The following DNAJC11 variants were observed in gnomAD, a reference collection of about 807,000 sequenced individuals.
DNAJC11 encodes the protein DnaJ heat shock protein family (Hsp40) member C11.
In DNAJC11, 15 loss-of-function variants were observed where a neutral mutation model predicts 78.6. The ratio of observed to expected loss-of-function variants is 0.19; its 90% CI spans 0.13 to 0.29. The LOEUF (loss-of-function observed/expected upper bound fraction) is 0.29, where lower values mean the gene tolerates loss of function less well. Ranked by LOEUF, DNAJC11 falls within the 10% of genes least tolerant of loss-of-function variation. The probability of loss-of-function intolerance (pLI) is 1.00; values close to 1 mark genes in which losing one functional copy is unlikely to be tolerated. For missense variants in DNAJC11, 547 were observed against 709.6 expected, an observed-to-expected ratio of 0.77 and a Z score of 2.60; for synonymous variants, 292 against 272.1, an observed-to-expected ratio of 1.07 and a Z score of -0.72.
Position 6,678,379 on chromosome 1 carries a change from C to G in DNAJC11, c.276+15G>C. Reference sequence around the variant, plus strand: ...AATGACTTTTCTGGAACACCAGACGCACAGTTTCTCTTACCTCCCATCCTT... The same window carrying G: ...AATGACTTTTCTGGAACACCAGACGGACAGTTTCTCTTACCTCCCATCCTT... On this transcript the variant is annotated intron_variant, in intron 3 of 15. Coordinates refer to ENST00000377577, the MANE Select transcript of DNAJC11 (RefSeq NM_018198.4). The G allele has an allele frequency of 6.2e-7, 1 of 1,611,956 alleles. No individual in the cohort carries two copies. The highest frequency in any genetic ancestry group is 8.5e-7 in the Non-Finnish European group (1 of 1,178,058).
At chr1:6,668,421 G>C (rs556313054) in intron 3 of DNAJC11, among the ~76,000 whole-genome samples, 1 of 152,290 alleles carries the variant, frequency 6.6e-6, no homozygotes, top group Non-Finnish European at 1.5e-5. Flanking sequence ...TTACAGGCTT[G>C]AGCCACTGCG....
chr1:6,672,489 G>A (rs533463022), intron 3 of DNAJC11, among the ~76,000 whole-genome samples: 9 of 152,264 alleles, frequency 5.9e-5, no homozygotes, highest in South Asian at 2.1e-4. Context: ...GATGAATTAC[G>A]AACGCAAATA....
rs191823255 is a variant in DNAJC11, at chr1:6,693,528, C to T, written c.72+8201G>A. ...CCTCCCGAGTAGCTGGGATTACAGACGCCCACCACCACACCCAGCTAGTTT... is the reference window on the plus strand; with the variant it reads ...CCTCCCGAGTAGCTGGGATTACAGATGCCCACCACCACACCCAGCTAGTTT... On this transcript the variant is annotated intron_variant, in intron 1 of 15. Coordinates refer to ENST00000377577, the MANE Select transcript of DNAJC11 (RefSeq NM_018198.4). Among the ~76,000 whole-genome samples, 868 of 152,152 alleles carry T rather than the reference C, an allele frequency of 5.7e-3. 2 individuals carry two copies. Among genetic ancestry groups the T allele is most frequent in the Middle Eastern group, 0.014 (4 of 294 alleles).
chr1:6,664,552 C>T (rs1441816881), intron 4 of DNAJC11, among the ~76,000 whole-genome samples: 1 of 152,146 alleles, frequency 6.6e-6, no homozygotes, highest in Non-Finnish European at 1.5e-5. Context: ...GGGCCATTTA[C>T]AAATCCCAAC....
At chr1:6,646,891 C>T (rs1641974107) in intron 7 of DNAJC11, among the ~76,000 whole-genome samples, 1 of 152,024 alleles carries the variant, frequency 6.6e-6, no homozygotes, top group African/African-American at 2.4e-5. Context: ...CTCATTGGCT[C>T]ACACCTGTAA....
Position 6,645,837 on chromosome 1 carries a change from A to G in DNAJC11, c.846T>C (p.Thr282=), listed in dbSNP as rs112421423. The change falls in exon 8 of 16, where the codon ACT becomes ACC. Residue 282 remains threonine, a synonymous_variant. Coordinates refer to ENST00000377577, the MANE Select transcript of DNAJC11 (RefSeq NM_018198.4). The surrounding 1 kb of genome is among the most constrained non-coding windows in gnomAD (Gnocchi z 4.1). ...TGGTTTTAGTGTCTCGGACGATGCT[A>G]GTGTTCATGGCTGACTGGATACCCC... The part of the protein sequence containing the change: ...WRWGIQSAMN[T]SIVRDTKTSH... 1,115 of 1,614,114 alleles carry G rather than the reference A, an allele frequency of 6.9e-4. 1 individual carries two copies. Among genetic ancestry groups the G allele is most frequent in the Non-Finnish European group, 8.6e-4 (1,013 of 1,180,022 alleles).
intron 2 of DNAJC11, among the ~76,000 whole-genome samples, chr1:6,679,450 A>C (rs890642145): frequency 2.0e-5 from 3 of 152,220 alleles, no homozygotes; most frequent in Admixed American, 6.5e-5. Flanking sequence ...AACTGAACTC[A>C]AATGTCAGCA....
chr1:6,690,414 G>A (rs1217529947), intron 1 of DNAJC11, among the ~76,000 whole-genome samples: 2 of 152,200 alleles, frequency 1.3e-5, no homozygotes, highest in Admixed American at 6.5e-5. Flanking sequence ...TTTTCTGGAT[G>A]AACGGGCTCA....
Position 6,680,517 on chromosome 1 carries a change from C to A in DNAJC11, c.202+391G>T, listed in dbSNP as rs1344399769. Among the ~76,000 whole-genome samples, 1 of 152,112 alleles carries A rather than the reference C, an allele frequency of 6.6e-6. No individual in the cohort carries two copies. The highest frequency in any genetic ancestry group is 1.5e-5 in the Non-Finnish European group (1 of 68,028). The stretch of plus-strand genomic sequence containing the variant: ...TTACAACCGATAACTGCTTCAGAAC[C>A]AATAAAATCACTTTTGGATGAAAAA... On this transcript the variant is annotated intron_variant, in intron 2 of 15. Coordinates refer to ENST00000377577, the MANE Select transcript of DNAJC11 (RefSeq NM_018198.4). The surrounding 1 kb of genome is among the most constrained non-coding windows in gnomAD (Gnocchi z 4.0).
chr1:6,666,385 CTTT>C (rs767579276), intron 4 of DNAJC11, among the ~76,000 whole-genome samples: 1 of 120,616 alleles, frequency 8.3e-6, no homozygotes, highest in Non-Finnish European at 1.8e-5. Context: ...TCTTTCTTTT[CTTT>C]TTTTTTTTTT....
chr1:6,650,218 G>T (rs927568117), intron 7 of DNAJC11, among the ~76,000 whole-genome samples: 1 of 151,870 alleles, frequency 6.6e-6, no homozygotes, highest in Non-Finnish European at 1.5e-5. Flanking sequence ...AGCCAAGATT[G>T]CATCACTATT....
intron 3 of DNAJC11, among the ~76,000 whole-genome samples, chr1:6,668,861 C>T (rs1441896297): frequency 1.3e-5 from 2 of 152,042 alleles, no homozygotes; most frequent in East Asian, 1.9e-4. Context: ...TCATTAAACT[C>T]GGGGACGCAG....
At chr1:6,700,198 T>A (rs1338477653) in intron 1 of DNAJC11, among the ~76,000 whole-genome samples, 1 of 151,866 alleles carries the variant, frequency 6.6e-6, no homozygotes, top group Non-Finnish European at 1.5e-5. Flanking sequence ...TTCTCCCCAC[T>A]CTTGAGAATG....
chr1:6,665,669 G>A (rs1432115634), intron 4 of DNAJC11, among the ~76,000 whole-genome samples: 2 of 152,130 alleles, frequency 1.3e-5, no homozygotes, highest in African/African-American at 4.8e-5. Context: ...ATGGCCTGCA[G>A]ACACATTTGC....
intron 11 of DNAJC11, 108 bp from the exon 12 acceptor site, chr1:6,638,472 T>C: frequency 1.0e-6 from 1 of 983,600 alleles, no homozygotes; most frequent in East Asian, 2.8e-5. Flanking sequence ...TCTGTGATCT[T>C]ACTGGAGTTC....
At position 6,637,433 on chromosome 1, in the gene DNAJC11, A is replaced by G; in HGVS notation, c.1381+14T>C. 1 of 1,614,192 alleles carries G rather than the reference A, an allele frequency of 6.2e-7. No homozygotes were observed. The highest frequency in any genetic ancestry group is 1.3e-5 in the African/African-American group (1 of 75,048). On this transcript the variant is annotated intron_variant, in intron 13 of 15. Transcript: ENST00000377577. ...AGCGCCCACCCTGGACCAAGAGAGG[A>G]CACATGTTCTCACCCATTCTGGACT... is the stretch of plus-strand genomic sequence containing the variant.
intron 1 of DNAJC11, among the ~76,000 whole-genome samples, chr1:6,690,720 C>T (rs778389154): frequency 9.9e-5 from 15 of 151,950 alleles, no homozygotes; most frequent in East Asian, 1.9e-4. Context: ...GTCAGGAGAT[C>T]GAGACCATCC....
At position 6,700,637 on chromosome 1, in the gene DNAJC11, G is replaced by A. The variant is rs149645297; in HGVS notation, c.72+1092C>T. On this transcript the variant is annotated intron_variant, in intron 1 of 15. Coordinates refer to ENST00000377577, the MANE Select transcript of DNAJC11 (RefSeq NM_018198.4). ...AGGGCTATCATAATACTTACCTTAA[G>A]AGCTATCCTCAGAATTAAATGAGAT... Among the ~76,000 whole-genome samples, 43 of 152,244 alleles carry A rather than the reference G, an allele frequency of 2.8e-4. 1 individual carries two copies. Among genetic ancestry groups the A allele is most frequent in the African/African-American group, 1.0e-3 (43 of 41,538 alleles).
chr1:6,657,517 T>C lies in DNAJC11; in HGVS notation c.379-3478A>G, dbSNP rs982144544. ...GCCAATCCACAGAACTGTGAGACAGTATGGAATTATTGTTGGAAGCCACCA... is the reference window on the plus strand; with the variant it reads ...GCCAATCCACAGAACTGTGAGACAGCATGGAATTATTGTTGGAAGCCACCA... On this transcript the variant is annotated intron_variant, in intron 4 of 15. Transcript: ENST00000377577. Among the ~76,000 whole-genome samples the C allele has an allele frequency of 1.3e-5, 2 of 152,148 alleles. 1 individual carries two copies. The highest frequency in any genetic ancestry group is 4.1e-4 in the South Asian group (2 of 4,824).
Sources: allele counts gnomAD v4.1 joint callset (sites outside exome capture counted in the v4.1 genomes callset), GRCh38; gene constraint gnomAD v4.1.1; non-coding constraint Gnocchi (gnomAD v3.1); transcripts MANE v1.5; gene names NCBI Gene and HGNC (gene_info 2026-07-23, HGNC 2026-07-21).